The following ROPN1L variants were observed in gnomAD, a reference collection of about 807,000 sequenced individuals.
The protein encoded by ROPN1L is rhophilin associated tail protein 1 like.
A neutral mutation model predicts 22.7 loss-of-function variants in ROPN1L; 23 were observed. That is an observed-to-expected ratio of 1.01 (90% CI 0.73 to 1.43). The LOEUF (loss-of-function observed/expected upper bound fraction) is 1.43. Ranked by LOEUF, ROPN1L falls within the 40% of genes most tolerant of loss-of-function variation. ROPN1L has a pLI of 0.00. For synonymous variants in ROPN1L, 116 were observed against 117.8 expected (o/e 0.98, Z 0.10); for missense variants, 271 against 291.5 (o/e 0.93, Z 0.51).
At chr5:10,446,510 A>G (rs1435242265) in intron 1 of ROPN1L, among the ~76,000 whole-genome samples, 3 of 152,184 alleles carry the variant, frequency 2.0e-5, no homozygotes, top group Non-Finnish European at 2.9e-5. Context: ...AAATATAAAA[A>G]ATCAGCTGGG....
chr5:10,447,330 T>G (rs1741100797), intron 1 of ROPN1L, among the ~76,000 whole-genome samples: 1 of 152,146 alleles, frequency 6.6e-6, no homozygotes, highest in South Asian at 2.1e-4. Flanking sequence ...CCCTCTTGAC[T>G]TATTGCCCCA....
chr5:10,477,789 G>A, the ROPN1L span, among the ~76,000 whole-genome samples: 1 of 152,072 alleles, frequency 6.6e-6, no homozygotes, highest in Non-Finnish European at 1.5e-5. Flanking sequence ...AATTAGCTGG[G>A]TATGGTGGCG....
the ROPN1L span, among the ~76,000 whole-genome samples, chr5:10,478,893 A>G: frequency 6.6e-6 from 1 of 152,086 alleles, no homozygotes; most frequent in Non-Finnish European, 1.5e-5. Context: ...GCAAAATGGC[A>G]TGGCCAATTT....
At chr5:10,472,579 C>A (rs1735266507), downstream of ROPN1L, among the ~76,000 whole-genome samples, 1 of 152,170 alleles carries the variant, frequency 6.6e-6, no homozygotes. Flanking sequence ...ATACGTGACA[C>A]TGTTATGTTG....
At chr5:10,443,118 G>A (rs1217560265) in intron 1 of ROPN1L, among the ~76,000 whole-genome samples, 1 of 152,130 alleles carries the variant, frequency 6.6e-6, no homozygotes, top group Non-Finnish European at 1.5e-5. Context: ...ACTTTGGGAG[G>A]CCAAGCTGGG....
intron 2 of ROPN1L, among the ~76,000 whole-genome samples, 191 bp downstream of exon 2, chr5:10,448,574 G>GA (rs1195247447): frequency 6.6e-6 from 1 of 152,318 alleles, no homozygotes; most frequent in East Asian, 1.9e-4. Context: ...TGTCTGGGAG[G>GA]TCTTTTTCTA....
At chr5:10,462,104 G>A (rs1315862849) in intron 4 of ROPN1L, among the ~76,000 whole-genome samples, 2 of 152,178 alleles carry the variant, frequency 1.3e-5, no homozygotes, top group Non-Finnish European at 2.9e-5. Context: ...CACCTCCAAG[G>A]TTGGGCTGGG....
chr5:10,461,033 A>T, intron 3 of ROPN1L, 151 bp from the exon 4 acceptor site: 1 of 608,280 alleles, frequency 1.6e-6, no homozygotes, highest in Non-Finnish European at 2.7e-6. Flanking sequence ...GCAATTGTAC[A>T]TTCACCTAGT....
downstream of ROPN1L, among the ~76,000 whole-genome samples, chr5:10,467,641 G>A (rs1047610003): frequency 4.6e-5 from 7 of 152,208 alleles, no homozygotes; most frequent in African/African-American, 1.7e-4. Flanking sequence ...AAGATAAGGT[G>A]AACCCAGAGC....
At chr5:10,452,925 AG>A (rs1295182406) in intron 3 of ROPN1L, among the ~76,000 whole-genome samples, 1 of 152,212 alleles carries the variant, frequency 6.6e-6, no homozygotes, top group African/African-American at 2.4e-5. Flanking sequence ...TGGCCGTCTA[AG>A]CTGACTCCTG....
the ROPN1L span, chr5:10,479,411 T>A: frequency 6.6e-6 from 1 of 152,200 alleles, no homozygotes; most frequent in African/African-American, 2.4e-5. Flanking sequence ...ACACCCCACA[T>A]CTTTAGGTGA....
intron 3 of ROPN1L, among the ~76,000 whole-genome samples, chr5:10,451,877 T>A (rs1272253856): frequency 6.6e-6 from 1 of 152,206 alleles, no homozygotes; most frequent in Non-Finnish European, 1.5e-5. Flanking sequence ...GCAAATACTT[T>A]TAATTATTGG....
At chr5:10,476,026 G>A (rs1288677639), downstream of ROPN1L, among the ~76,000 whole-genome samples, 3 of 152,242 alleles carry the variant, frequency 2.0e-5, no homozygotes, top group African/African-American at 7.2e-5. Context: ...GTGAAGAGCA[G>A]GGAGGAGGCC....
At chr5:10,458,190 TTCCTG>T (rs1420613472) in intron 3 of ROPN1L, among the ~76,000 whole-genome samples, 3 of 152,010 alleles carry the variant, frequency 2.0e-5, no homozygotes, top group Non-Finnish European at 4.4e-5. Context: ...GTCCTTGTCC[TTCCTG>T]TCCTGTCCTG....
chr5:10,454,966 A>T (rs1199087255), intron 3 of ROPN1L, among the ~76,000 whole-genome samples: 4 of 152,138 alleles, frequency 2.6e-5, no homozygotes, highest in Non-Finnish European at 4.4e-5. Context: ...ACAGGTTAGG[A>T]CCACCTTATT....
chr5:10,448,168 C>A, intron 1 of ROPN1L, 92 bp from the exon 2 acceptor site: 1 of 1,452,314 alleles, frequency 6.9e-7, no homozygotes, highest in Non-Finnish European at 9.5e-7. Flanking sequence ...CCTTCCTAAT[C>A]ACCGTTGTTT....
downstream of ROPN1L, among the ~76,000 whole-genome samples, chr5:10,474,117 A>T (rs549562430): frequency 9.3e-5 from 14 of 150,572 alleles, no homozygotes; most frequent in South Asian, 2.5e-3. Context: ...GCACCACTGC[A>T]CTCCAGCTTG....
downstream of ROPN1L, among the ~76,000 whole-genome samples, chr5:10,475,434 G>A (rs775729508): frequency 4.6e-5 from 7 of 152,120 alleles, no homozygotes; most frequent in Non-Finnish European, 8.8e-5. Context: ...AAATCACTCT[G>A]TGGTTTCTCT....
At chr5:10,462,236 G>A (rs1735046086) in intron 4 of ROPN1L, among the ~76,000 whole-genome samples, 1 of 152,204 alleles carries the variant, frequency 6.6e-6, no homozygotes, top group Admixed American at 6.5e-5. Flanking sequence ...AGATTCCACA[G>A]ATTTTACTTG....
Sources: allele counts gnomAD v4.1 joint callset (sites outside exome capture counted in the v4.1 genomes callset), GRCh38; gene constraint gnomAD v4.1.1; transcripts MANE v1.5; gene names NCBI Gene and HGNC (gene_info 2026-07-23, HGNC 2026-07-21).